FBXL13: variants seen among roughly 807,000 people sequenced by gnomAD.
The protein encoded by FBXL13 is F-box and leucine-rich repeat protein 13.
In FBXL13, 67 loss-of-function variants were observed where a neutral mutation model predicts 83.6. The observed-to-expected ratio is 0.80, with a 90% CI of 0.66 to 0.98. The LOEUF is 0.98. Among genes scored for constraint, FBXL13 ranks in the 50% least tolerant of loss-of-function variants. FBXL13 has a pLI of 0.00. For missense variants in FBXL13, 822 were observed against 866.5 expected (o/e 0.95, Z 0.64); for synonymous variants, 272 against 299.5 (o/e 0.91, Z 0.95).
chr7:102,913,082 A>G lies in FBXL13; in HGVS notation c.1008+4T>C. 1 of 1,614,134 alleles carries G rather than the reference A, an allele frequency of 6.2e-7. No individual in the cohort carries two copies. The highest frequency in any genetic ancestry group is 8.5e-7 in the Non-Finnish European group (1 of 1,180,002). ...CGCAGCAAAGAGAAGACTGAAAGACAAACCTGGGTGCAGCCAGAGAGGTCC... is the reference window on the plus strand; with the variant it reads ...CGCAGCAAAGAGAAGACTGAAAGACGAACCTGGGTGCAGCCAGAGAGGTCC... On this transcript the variant is annotated splice_donor_region_variant and intron_variant, in intron 11 of 19. Coordinates refer to ENST00000313221, the Ensembl canonical transcript of FBXL13.
chr7:102,854,184 T>C (rs1584638030), intron 17 of FBXL13, among the ~76,000 whole-genome samples: 1 of 152,162 alleles, frequency 6.6e-6, no homozygotes, highest in South Asian at 2.1e-4. Flanking sequence ...TGGAATACTA[T>C]GCAGCCATAA....
At chr7:102,834,318 G>C (rs1244360075) in intron 17 of FBXL13, among the ~76,000 whole-genome samples, 1 of 148,214 alleles carries the variant, frequency 6.7e-6, no homozygotes, top group Non-Finnish European at 1.5e-5. Flanking sequence ...AATTTTAGTT[G>C]TAAGTACTAG....
chr7:103,068,383 A>T (rs1798596766), intron 1 of FBXL13, among the ~76,000 whole-genome samples: 1 of 152,236 alleles, frequency 6.6e-6, no homozygotes, highest in Admixed American at 6.5e-5. Context: ...CACCTAACCT[A>T]TCTCTAGATC....
chr7:102,873,641 T>C (rs1323147284), intron 16 of FBXL13, among the ~76,000 whole-genome samples: 1 of 152,240 alleles, frequency 6.6e-6, no homozygotes, highest in African/African-American at 2.4e-5. Context: ...CTGACAATAC[T>C]GAATGTCCTT....
intron 2 of FBXL13, among the ~76,000 whole-genome samples, chr7:103,054,361 G>A (rs975048392): frequency 6.8e-5 from 10 of 147,492 alleles, no homozygotes; most frequent in Non-Finnish European, 1.0e-4. Flanking sequence ...TTGCACTCCA[G>A]CCTGGGCAGC....
chr7:102,843,729 T>C (rs1803424313), intron 17 of FBXL13, among the ~76,000 whole-genome samples: 1 of 152,062 alleles, frequency 6.6e-6, no homozygotes, highest in Admixed American at 6.5e-5. Flanking sequence ...TGAGCCAAGA[T>C]CGCGCCACTG....
chr7:103,003,601 A>G (rs1790667399), intron 6 of FBXL13, among the ~76,000 whole-genome samples: 1 of 147,416 alleles, frequency 6.8e-6, no homozygotes, highest in Non-Finnish European at 1.5e-5. Context: ...GTTTGTTTTG[A>G]GACAGAGTCT....
intron 1 of FBXL13, among the ~76,000 whole-genome samples, chr7:103,068,195 G>A (rs988921067): frequency 1.3e-5 from 2 of 152,180 alleles, no homozygotes; most frequent in African/African-American, 4.8e-5. Context: ...AATGACAGGA[G>A]TAGAGAAAAA....
intron 6 of FBXL13, among the ~76,000 whole-genome samples, chr7:102,996,827 C>T (rs1789842683): frequency 6.6e-6 from 1 of 152,152 alleles, no homozygotes; most frequent in Admixed American, 6.5e-5. Context: ...GGACTGTGGA[C>T]TAACAAGATA....
intron 6 of FBXL13, among the ~76,000 whole-genome samples, chr7:102,978,197 A>C (rs1002414322): frequency 6.6e-6 from 1 of 152,220 alleles, no homozygotes; most frequent in Non-Finnish European, 1.5e-5. Flanking sequence ...CTGTCTCTCA[A>C]GAATACCAAA....
At chr7:103,074,475 G>T (rs1799435478) in exon 1 of FBXL13, 2 of 1,136,392 alleles carry the variant, frequency 1.8e-6, no homozygotes, top group Non-Finnish European at 2.2e-6. Flanking sequence ...CATTCCCCAC[G>T]TGCAGCCACC....
At chr7:102,960,528 C>CA (rs1352888172) in intron 8 of FBXL13, among the ~76,000 whole-genome samples, 6 of 150,850 alleles carry the variant, frequency 4.0e-5, no homozygotes, top group African/African-American at 9.7e-5. Flanking sequence ...AGAGACACAA[C>CA]AAAAAAAGAG....
chr7:102,887,443 A>T (rs1810950842), intron 11 of FBXL13, among the ~76,000 whole-genome samples: 1 of 151,988 alleles, frequency 6.6e-6, no homozygotes, highest in Non-Finnish European at 1.5e-5. Flanking sequence ...ACACACAAAC[A>T]TCCAAGTGTG....
intron 17 of FBXL13, among the ~76,000 whole-genome samples, chr7:102,834,125 AGAAAGAAAG>A (rs1256050061): frequency 1.8e-5 from 2 of 111,564 alleles, no homozygotes; most frequent in African/African-American, 9.0e-5. Context: ...AAAGAAAGAA[AGAAAGAAAG>A]AAAGAAAAGA....
At chr7:102,892,117 A>G (rs1811608574) in intron 11 of FBXL13, among the ~76,000 whole-genome samples, 1 of 152,214 alleles carries the variant, frequency 6.6e-6, no homozygotes, top group Admixed American at 6.5e-5. Context: ...AGAAACCAAA[A>G]TAAGTATGTT....
chr7:103,047,684 G>A (rs562234922), intron 2 of FBXL13, among the ~76,000 whole-genome samples: 1 of 152,230 alleles, frequency 6.6e-6, no homozygotes, highest in Admixed American at 6.5e-5. Flanking sequence ...AATTTTATAA[G>A]TCCTATACAT....
At chr7:102,852,954 A>G (rs906076604) in intron 17 of FBXL13, among the ~76,000 whole-genome samples, 2 of 152,218 alleles carry the variant, frequency 1.3e-5, no homozygotes, top group Non-Finnish European at 2.9e-5. Context: ...TCCATCAATC[A>G]ATGAGTAGAT....
At chr7:102,966,189 T>C (rs1291383484) in intron 7 of FBXL13, among the ~76,000 whole-genome samples, 1 of 152,188 alleles carries the variant, frequency 6.6e-6, no homozygotes, top group Non-Finnish European at 1.5e-5. Context: ...TGTCTTAATT[T>C]TATTTTTGGT....
At chr7:102,975,912 C>T in intron 6 of FBXL13, 1 of 761,656 alleles carries the variant, frequency 1.3e-6, no homozygotes, top group Admixed American at 1.7e-5. Flanking sequence ...GCCATGGGGC[C>T]ACAGCTCCAC....
Sources: gnomAD v4.1 joint callset for allele counts (sites outside exome capture counted in the v4.1 genomes callset) on GRCh38, gnomAD v4.1.1 for gene constraint, MANE v1.5 for transcripts, NCBI Gene and HGNC (gene_info 2026-07-23, HGNC 2026-07-21) for gene names.